CSMD1: variants seen among roughly 807,000 people sequenced by gnomAD.
CSMD1 encodes CUB and sushi domain-containing protein 1.
A neutral mutation model predicts 417.5 loss-of-function variants in CSMD1; 213 were observed. The ratio of observed to expected loss-of-function variants is 0.51; its 90% CI spans 0.46 to 0.57. CSMD1 has a LOEUF of 0.57. CSMD1 is among the 20% of genes least tolerant of loss of function. The probability of loss-of-function intolerance (pLI) is 0.00; values close to 1 mark genes in which losing one functional copy is unlikely to be tolerated. For missense variants in CSMD1, 6,923 were observed against 4,529.7 expected (o/e 1.53, Z -15.17); for synonymous variants, 2,862 against 1,736.8 (o/e 1.65, Z -16.11).
intron 2 of CSMD1, among the ~76,000 whole-genome samples, chr8:4,576,722 C>G (rs1336196679): frequency 6.6e-6 from 1 of 152,106 alleles, no homozygotes; most frequent in South Asian, 2.1e-4. Flanking sequence ...CTTTCTAAAA[C>G]TTAACTAAAT....
intron 1 of CSMD1, among the ~76,000 whole-genome samples, chr8:4,654,008 G>A (rs1263199622): frequency 6.6e-6 from 1 of 152,058 alleles, no homozygotes; most frequent in Non-Finnish European, 1.5e-5. Flanking sequence ...ATAAAGGTTG[G>A]TTGTAAACCT....
At position 2,935,446 on chromosome 8, in the gene CSMD1, T is replaced by C. The variant is rs888637240; in HGVS notation, c.*3139A>G. 6.6e-6 allele frequency: 1 copy of C among 152,128 alleles called. No homozygotes were observed. Among genetic ancestry groups the C allele is most frequent in the African/African-American group, 2.4e-5 (1 of 41,420 alleles). 9.4% of individuals were successfully genotyped at this position (152,128 alleles called of 1,614,324 possible). ...CTATATTACACCCTCTTTATAATTT[T>C]TTTGACAAAAAAAAGATACTGTTCA... On this transcript the variant is annotated 3_prime_UTR_variant, in exon 70 of 70. Transcript: ENST00000635120.
intron 3 of CSMD1, among the ~76,000 whole-genome samples, chr8:4,240,802 A>G (rs975188136): frequency 6.6e-6 from 1 of 152,086 alleles, no homozygotes; most frequent in Non-Finnish European, 1.5e-5. Flanking sequence ...AAATATCCAT[A>G]CTATCTATTT....
chr8:3,523,949 A>ATACACATGCGCACT (rs1554453963), intron 10 of CSMD1, among the ~76,000 whole-genome samples: 1 of 151,214 alleles, frequency 6.6e-6, no homozygotes, highest in African/African-American at 2.4e-5. Flanking sequence ...AGACACGTGC[A>ATACACATGCGCACT]TACACATGCA....
intron 6 of CSMD1, among the ~76,000 whole-genome samples, chr8:3,720,107 A>C (rs1036432056): frequency 6.6e-6 from 1 of 152,226 alleles, no homozygotes; most frequent in East Asian, 1.9e-4. Flanking sequence ...GTTACATTCA[A>C]CGTGGAATGT....
intron 1 of CSMD1, among the ~76,000 whole-genome samples, chr8:4,833,669 G>A (rs1292298741): frequency 6.6e-6 from 1 of 152,186 alleles, no homozygotes; most frequent in Admixed American, 6.5e-5. Context: ...GTAGAGTGTT[G>A]CCTGCACAGC....
intron 3 of CSMD1, among the ~76,000 whole-genome samples, chr8:4,104,687 A>G (rs1026779327): frequency 1.3e-5 from 2 of 152,178 alleles, no homozygotes; most frequent in Non-Finnish European, 2.9e-5. Context: ...GCACAGTTCC[A>G]GGCGGTTTCA....
Position 3,285,880 on chromosome 8 carries a change from C to T in CSMD1, c.3951-1534G>A, listed in dbSNP as rs1343794297. 5.3e-5 allele frequency among the ~76,000 whole-genome samples: 8 copies of T among 151,942 alleles called. No homozygotes were observed. In the South Asian group the frequency reaches 1.2e-3, roughly 24 times the overall value. On this transcript the variant is annotated intron_variant, in intron 25 of 69. Coordinates refer to ENST00000635120, the MANE Select transcript of CSMD1 (RefSeq NM_033225.6). ...TAAATTTTAAGGTAAATGTGCACAACGTGCAGGTTTGTTACATGTGTATAC... is the reference window on the plus strand; with the variant it reads ...TAAATTTTAAGGTAAATGTGCACAATGTGCAGGTTTGTTACATGTGTATAC...
chr8:4,127,736 C>T (rs1210059688), intron 3 of CSMD1, among the ~76,000 whole-genome samples: 1 of 152,182 alleles, frequency 6.6e-6, no homozygotes, highest in African/African-American at 2.4e-5. Context: ...TCAGCATTTA[C>T]TATGTGCCAG....
At chr8:3,376,708 G>A (rs62503511) in intron 18 of CSMD1, among the ~76,000 whole-genome samples, 16,957 of 152,018 alleles carry the variant, frequency 0.11, 1,041 homozygotes, top group Middle Eastern at 0.15. Context: ...AAAGAGTAAT[G>A]TTAAAAACAC....
At chr8:3,625,764 T>A (rs898364318) in intron 7 of CSMD1, among the ~76,000 whole-genome samples, 25 of 152,144 alleles carry the variant, frequency 1.6e-4, no homozygotes, top group African/African-American at 5.1e-4. Context: ...ATCTCAGTAG[T>A]TTTGAACACT....
chr8:4,637,447 T>A lies in CSMD1; in HGVS notation c.197A>T (p.Glu66Val). ...GAAGGACAACTGTATCCTATTGCGCTCGCCCGTGATGATGATCCAGGTGCA... is the reference window on the plus strand; with the variant it reads ...GAAGGACAACTGTATCCTATTGCGCACGCCCGTGATGATGATCCAGGTGCA... ...ANCTWIIITG[E>V]RNRIQLSFHT... Residue 66 changes from glutamate to valine, a missense_variant, in exon 2 of 70, where the codon GAG (glutamate) becomes GTG (valine). By Grantham distance (121) the Glu-to-Val change is moderately radical. Coordinates refer to ENST00000635120, the MANE Select transcript of CSMD1 (RefSeq NM_033225.6). 1 of 1,613,796 alleles carries A rather than the reference T, an allele frequency of 6.2e-7. No individual in the cohort carries two copies. Among genetic ancestry groups the A allele is most frequent in the Non-Finnish European group, 8.5e-7 (1 of 1,179,874 alleles).
chr8:4,188,831 A>C (rs549645400), intron 3 of CSMD1, among the ~76,000 whole-genome samples: 1 of 148,190 alleles, frequency 6.7e-6, no homozygotes, highest in African/African-American at 2.5e-5. Context: ...ATTGGGAGGG[A>C]TATTAAAAAA....
At chr8:3,991,067 G>C (rs1031340767) in intron 5 of CSMD1, among the ~76,000 whole-genome samples, 16 of 152,308 alleles carry the variant, frequency 1.1e-4, no homozygotes, top group African/African-American at 3.8e-4. Flanking sequence ...ATCTTTCCCA[G>C]AAATTCCTTC....
chr8:3,568,098 TCC>T (rs1456193735), intron 10 of CSMD1, among the ~76,000 whole-genome samples: 2 of 152,136 alleles, frequency 1.3e-5, no homozygotes, highest in Non-Finnish European at 2.9e-5. Context: ...TTTTATAATT[TCC>T]ATTATAAATA....
chr8:4,026,325 A>G (rs910433941), intron 4 of CSMD1, among the ~76,000 whole-genome samples: 3 of 152,244 alleles, frequency 2.0e-5, no homozygotes, highest in African/African-American at 7.2e-5. Context: ...TTTAAATGTA[A>G]ATGTAATAAT....
intron 26 of CSMD1, among the ~76,000 whole-genome samples, chr8:3,280,362 G>A (rs951740431): frequency 1.3e-5 from 2 of 152,190 alleles, no homozygotes; most frequent in African/African-American, 4.8e-5. Context: ...CAAAGCATTA[G>A]AGGTCAAGAT....
intron 2 of CSMD1, among the ~76,000 whole-genome samples, chr8:4,531,952 G>C (rs1362133440): frequency 3.6e-5 from 3 of 83,552 alleles, no homozygotes; most frequent in African/African-American, 9.2e-5. Context: ...CTCCAGAAAA[G>C]AAATCCTGCA....
chr8:4,260,522 A>G lies in CSMD1; in HGVS notation c.415+159431T>C, dbSNP rs543940073. On this transcript the variant is annotated intron_variant, in intron 3 of 69. Transcript: ENST00000635120. ...AAACAATGTTAAAGAACACTAGTCA[A>G]ATGGCAAGCACATAGCCAGAATACC... Among the ~76,000 whole-genome samples the G allele has an allele frequency of 3.9e-5, 6 of 152,320 alleles. No homozygotes were observed. In the South Asian group the frequency reaches 1.0e-3, roughly 26 times the overall value.
Sources: allele counts gnomAD v4.1 joint callset (sites outside exome capture counted in the v4.1 genomes callset), GRCh38; gene constraint gnomAD v4.1.1; transcripts MANE v1.5; gene names NCBI Gene and HGNC (gene_info 2026-07-23, HGNC 2026-07-21).